MMEL1: variants seen among roughly 807,000 people sequenced by gnomAD.
MMEL1 encodes membrane metalloendopeptidase like 1.
Under a neutral mutation model 117.1 loss-of-function variants are expected in MMEL1, and 98 were observed. The observed-to-expected ratio is 0.84, with a 90% confidence interval of 0.71 to 0.99. The LOEUF (loss-of-function observed/expected upper bound fraction) is 0.99, where lower values mean the gene tolerates loss of function less well. Ranked by LOEUF, MMEL1 falls within the 50% of genes least tolerant of loss-of-function variation. The pLI, the probability that MMEL1 is intolerant of heterozygous loss-of-function variation, is 0.00. For missense variants in MMEL1, 1,014 were observed against 1,049.1 expected (o/e 0.97, Z 0.46); for synonymous variants, 390 against 415.1 (o/e 0.94, Z 0.74).
At chr1:2,623,886 C>A (rs887343829) in intron 2 of MMEL1, among the ~76,000 whole-genome samples, 5 of 152,184 alleles carry the variant, frequency 3.3e-5, no homozygotes, top group Non-Finnish European at 7.3e-5. Flanking sequence ...CCAGGCAAAT[C>A]CCCTGTTCTG....
At chr1:2,620,059 C>T (rs185568918) in intron 2 of MMEL1, among the ~76,000 whole-genome samples, 2 of 152,198 alleles carry the variant, frequency 1.3e-5, no homozygotes, top group African/African-American at 2.4e-5. Flanking sequence ...TATCAGTGCT[C>T]AGCTTCAGGA....
At chr1:2,596,171 G>C in intron 14 of MMEL1, 64 bp from the exon 15 acceptor site, 1 of 1,467,548 alleles carries the variant, frequency 6.8e-7, no homozygotes, top group Non-Finnish European at 9.5e-7. Context: ...CAGCCTCAAG[G>C]GCTTTGGGGA....
chr1:2,593,012 T>C, intron 19 of MMEL1, 46 bp from the exon 20 acceptor site: 2 of 1,601,998 alleles, frequency 1.2e-6, no homozygotes, highest in Non-Finnish European at 1.7e-6. Flanking sequence ...CTGGCTGCAC[T>C]GTGCCTGGCC....
Position 2,609,406 on chromosome 1 carries a change from A to T in MMEL1, c.468T>A (p.Asn156Lys), listed in dbSNP as rs1294695504. 6.2e-7 allele frequency: 1 copy of T among 1,611,034 alleles called. No homozygotes were observed. The highest frequency in any genetic ancestry group is 8.5e-7 in the Non-Finnish European group (1 of 1,178,988). The change falls in exon 6 of 24, where the codon AAT becomes AAA. Residue 156 changes from asparagine to lysine, a missense_variant. Asn to Lys is a moderately conservative substitution (Grantham distance 94). Coordinates refer to ENST00000378412, the MANE Select transcript of MMEL1 (RefSeq NM_033467.4). ...LEVILKAVLE[N>K]STAKDRPAVE... ...CAGCCGGCCGGTCCTTGGCAGTCGA[A>T]TTCTCCAGCACCGCTGTGGGCACAG...
intron 6 of MMEL1, among the ~76,000 whole-genome samples, chr1:2,607,446 G>A (rs1426273122): frequency 1.3e-5 from 2 of 150,598 alleles, no homozygotes; most frequent in Admixed American, 6.6e-5. Flanking sequence ...GCCAAGCCTC[G>A]GCGAGGACTC....
At chr1:2,601,988 G>A (rs1644939827) in intron 11 of MMEL1, among the ~76,000 whole-genome samples, 1 of 152,220 alleles carries the variant, frequency 6.6e-6, no homozygotes, top group South Asian at 2.1e-4. Context: ...TTGAACAGAT[G>A]CGTGTGCTTC....
intron 4 of MMEL1, 53 bp downstream of exon 4, chr1:2,611,228 C>A: frequency 8.6e-6 from 13 of 1,516,704 alleles, no homozygotes; most frequent in Non-Finnish European, 1.1e-5. Context: ...CAGTGTCAGC[C>A]GGGAGCCCCC....
intron 2 of MMEL1, among the ~76,000 whole-genome samples, chr1:2,616,183 A>G (rs1645196990): frequency 6.6e-6 from 1 of 152,062 alleles, no homozygotes; most frequent in Non-Finnish European, 1.5e-5. Flanking sequence ...AAAAAATTAT[A>G]AAACAAAAAT....
chr1:2,615,487 T>C (rs1483866990), intron 2 of MMEL1, among the ~76,000 whole-genome samples: 1 of 151,970 alleles, frequency 6.6e-6, no homozygotes, highest in Non-Finnish European at 1.5e-5. Context: ...ACAATGAAAG[T>C]CTGAGAAACT....
At chr1:2,613,167 G>GC (rs903279883) in intron 2 of MMEL1, among the ~76,000 whole-genome samples, 1 of 152,214 alleles carries the variant, frequency 6.6e-6, no homozygotes, top group African/African-American at 2.4e-5. Flanking sequence ...CCCTCAAGGA[G>GC]CCCCCCGCCC....
chr1:2,630,991 G>A (rs1638551876), intron 1 of MMEL1, among the ~76,000 whole-genome samples: 2 of 151,554 alleles, frequency 1.3e-5, no homozygotes, highest in African/African-American at 2.4e-5. Flanking sequence ...GACTGTGATT[G>A]TGCACCTGTG....
rs139771325 is a variant in MMEL1, at chr1:2,612,178, G to T, written c.181C>A (p.Arg61=). The T allele has an allele frequency of 3.6e-5, 57 of 1,577,776 alleles. 1 individual carries two copies. Among genetic ancestry groups the T allele is most frequent in the Non-Finnish European group, 4.0e-5 (46 of 1,160,462 alleles). The change falls in exon 3 of 24, where the codon CGG becomes AGG. Residue 61 remains arginine, a synonymous_variant. Coordinates refer to ENST00000378412, the MANE Select transcript of MMEL1 (RefSeq NM_033467.4). This position sits in a 1 kb window ranked among gnomAD's most constrained non-coding sequence, Gnocchi z 5.4. ...RGKQLPRLAS[R]LCFLQEERTF... ...CTCTCCTCCTGTAAGAAGCACAGCC[G>T]GCTAGCAAGGCGTGGCAGCTGCTTC...
Position 2,595,422 on chromosome 1 carries a change from C to CGGT in MMEL1, c.1501-66_1501-64dup. 6.9e-7 allele frequency: 1 copy of CGGT among 1,456,926 alleles called. No homozygotes were observed. The highest frequency in any genetic ancestry group is 1.1e-5 in the South Asian group (1 of 87,118). 90.2% of individuals were successfully genotyped at this position (1,456,926 alleles called of 1,614,324 possible). A position where few individuals can be genotyped will look rare whatever the true frequency, so the allele number is the denominator to read the frequency against. ...CTGCGGATGGAGTCAGCCCGGGGGC[C>CGGT]GGTCAGTGAGTGCCACACTGTGGGA... is the stretch of plus-strand genomic sequence containing the variant. On this transcript the variant is annotated intron_variant, in intron 15 of 23. Transcript: ENST00000378412. The surrounding 1 kb of genome is among the most constrained non-coding windows in gnomAD (Gnocchi z 4.8).
chr1:2,629,056 G>A (rs1304770206), intron 2 of MMEL1, among the ~76,000 whole-genome samples: 5 of 152,066 alleles, frequency 3.3e-5, no homozygotes, highest in Non-Finnish European at 7.4e-5. Context: ...AGGCGGAGGC[G>A]GGCGGGTGCG....
chr1:2,609,351 A>G lies in MMEL1; in HGVS notation c.523T>C (p.Cys175Arg). Residue 175 changes from cysteine (C) to arginine (R), a missense_variant, in exon 6 of 24, where the codon TGC becomes CGC. Transcript: ENST00000378412. ...VEKARTLYRSCMNQSVIEKRG... is the reference protein window; with the variant it reads ...VEKARTLYRSRMNQSVIEKRG... Reference sequence around the variant, plus strand: ...GGCCCCCACTCACTCTGGTTCATGCAGGAGCGGTACAGCGTCCTGGCCTTC... The same window carrying G: ...GGCCCCCACTCACTCTGGTTCATGCGGGAGCGGTACAGCGTCCTGGCCTTC... The G allele has an allele frequency of 6.2e-7, 1 of 1,611,498 alleles. No homozygotes were observed. Among genetic ancestry groups the G allele is most frequent in the Non-Finnish European group, 8.5e-7 (1 of 1,179,318 alleles).
intron 1 of MMEL1, among the ~76,000 whole-genome samples, chr1:2,631,739 C>G (rs562546772): frequency 3.3e-4 from 50 of 152,280 alleles, no homozygotes; most frequent in Non-Finnish European, 6.2e-4. Context: ...CCGCCACTGG[C>G]TGAAGCTGGA....
Position 2,595,473 on chromosome 1 carries a change from G to T in MMEL1, c.1501-114C>A. On this transcript the variant is annotated intron_variant, in intron 15 of 23. Coordinates refer to ENST00000378412, the MANE Select transcript of MMEL1 (RefSeq NM_033467.4). This position sits in a 1 kb window ranked among gnomAD's most constrained non-coding sequence, Gnocchi z 4.8. ...GGGGTCAGCCCGGGGCATCCTGGCT[G>T]TGCTCTCCCTGTCCTGTGGTGAGGG... The T allele has an allele frequency of 1.2e-6, 1 of 850,052 alleles. No homozygotes were observed. The highest frequency in any genetic ancestry group is 2.0e-5 in the Admixed American group (1 of 50,916). The allele number at this position is 850,052 out of a possible 1,614,324, so 52.7% of individuals were successfully genotyped here. A position where few individuals can be genotyped will look rare whatever the true frequency, so the allele number is the denominator to read the frequency against.
intron 2 of MMEL1, among the ~76,000 whole-genome samples, chr1:2,621,438 C>T (rs1645287469): frequency 6.6e-6 from 1 of 152,234 alleles, no homozygotes. Context: ...TTAACCCAGA[C>T]ATTCCCTTCT....
chr1:2,630,472 A>G (rs894016724), intron 1 of MMEL1, among the ~76,000 whole-genome samples: 1 of 151,484 alleles, frequency 6.6e-6, no homozygotes, highest in Non-Finnish European at 1.5e-5. Flanking sequence ...TGGTGTGTGC[A>G]TGTGTGTGTG....
Sources: allele counts gnomAD v4.1 joint callset (sites outside exome capture counted in the v4.1 genomes callset), GRCh38; gene constraint gnomAD v4.1.1; non-coding constraint Gnocchi (gnomAD v3.1); transcripts MANE v1.5; gene names NCBI Gene and HGNC (gene_info 2026-07-23, HGNC 2026-07-21).